The following EML5 variants were observed in gnomAD, a reference collection of about 807,000 sequenced individuals.
EML5 encodes echinoderm microtubule-associated protein-like 5.
A neutral mutation model predicts 250.0 loss-of-function variants in EML5; 120 were observed. That is an observed-to-expected ratio of 0.48 (90% CI 0.41 to 0.56). The LOEUF is 0.56. EML5 is among the 20% of genes least tolerant of loss of function. EML5 has a pLI of 0.00. For missense variants in EML5, 2,006 were observed against 2,437.6 expected (o/e 0.82, Z 3.73); for synonymous variants, 771 against 806.5 (o/e 0.96, Z 0.75).
At position 88,616,706 on chromosome 14, in the gene EML5, T is replaced by C. The variant is rs1286293245; in HGVS notation, c.5796+20A>G. The stretch of plus-strand genomic sequence containing the variant: ...AAAATTAGGAGTAAACTGATAATAG[T>C]AAACAAAACACAAACTTACAAATTT... On this transcript the variant is annotated intron_variant, in intron 42 of 43. Transcript: ENST00000554922. The C allele has an allele frequency of 6.2e-7, 1 of 1,604,340 alleles. No homozygotes were observed.
In EML5 at chr14:88,665,260, A is replaced by G. The variant is rs540782622; in HGVS notation, c.3277+77T>C. 2.8e-6 allele frequency: 4 copies of G among 1,430,406 alleles called. No individual in the cohort carries two copies. The South Asian group carries it at 5.8e-5, about 21-fold the overall frequency. The allele number at this position is 1,430,406 out of a possible 1,614,324, so 88.6% of individuals were successfully genotyped here. A position where few individuals can be genotyped will look rare whatever the true frequency, so the allele number is the denominator to read the frequency against. ...AAGTTCTGAGATAACATAACAGTTA[A>G]TAAAAATTATACATTGATACATTTA... On this transcript the variant is annotated intron_variant, in intron 22 of 43. Coordinates refer to ENST00000554922, the MANE Select transcript of EML5 (RefSeq NM_183387.3).
intron 4 of EML5, among the ~76,000 whole-genome samples, chr14:88,741,796 G>GA (rs1357684241): frequency 6.6e-6 from 1 of 151,984 alleles, no homozygotes; most frequent in Admixed American, 6.6e-5. Flanking sequence ...TAGGCCCAAA[G>GA]AAAAAATTCA....
In EML5 at chr14:88,705,601, AAAATG is replaced by A. The variant is rs1262084970; in HGVS notation, c.1826-18_1826-14del. ...TCAGCCAGACTTTCTGTAATTTTTA[AAAATG>A]AAATGTTACTTGTTTAAAGAAGATT... On this transcript the variant is annotated splice_polypyrimidine_tract_variant and intron_variant, in intron 11 of 43. Transcript: ENST00000554922. The A allele has an allele frequency of 6.5e-7, 1 of 1,539,066 alleles. No homozygotes were observed. Among genetic ancestry groups the A allele is most frequent in the Non-Finnish European group, 8.8e-7 (1 of 1,130,932 alleles).
At chr14:88,701,166 C>T (rs761892941) in intron 14 of EML5, among the ~76,000 whole-genome samples, 27 of 152,058 alleles carry the variant, frequency 1.8e-4, no homozygotes, top group South Asian at 2.1e-4. Flanking sequence ...GGTGATTTTG[C>T]CTTCCAAGGG....
Position 88,738,869 on chromosome 14 carries a change from T to C in EML5, c.847+10A>G, listed in dbSNP as rs1332148244. On this transcript the variant is annotated intron_variant, in intron 6 of 43. Transcript: ENST00000554922. ...TTTGCCTAGTAATAAGACATTTGTTTTGTTATTACCTTTGTATCCCTGGTC... is the reference window on the plus strand; with the variant it reads ...TTTGCCTAGTAATAAGACATTTGTTCTGTTATTACCTTTGTATCCCTGGTC... The C allele has an allele frequency of 5.1e-6, 8 of 1,554,114 alleles. No individual in the cohort carries two copies. The highest frequency in any genetic ancestry group is 5.2e-6 in the Non-Finnish European group (6 of 1,149,262).
At chr14:88,767,445 G>A (rs1027965654) in intron 1 of EML5, among the ~76,000 whole-genome samples, 2 of 152,090 alleles carry the variant, frequency 1.3e-5, no homozygotes, top group Non-Finnish European at 2.9e-5. Context: ...CATTATACTG[G>A]AGCTAAGAGT....
intron 7 of EML5, among the ~76,000 whole-genome samples, chr14:88,729,474 T>C (rs12587598): frequency 0.29 from 44,354 of 152,038 alleles, 6,772 homozygotes; most frequent in African/African-American, 0.38. Context: ...TAATAAAATT[T>C]TGAAACACAA....
At chr14:88,657,545 G>A in intron 26 of EML5, 43 bp from the exon 27 acceptor site, 1 of 1,492,656 alleles carries the variant, frequency 6.7e-7, no homozygotes, top group South Asian at 1.4e-5. Flanking sequence ...CAATAACTGA[G>A]ATCAATTATG....
Position 88,792,560 on chromosome 14 carries a change from G to C in EML5, c.-57C>G, listed in dbSNP as rs774926477. ...GCCCGCGGCGGCGACGGGAGGCGGC[G>C]GCGGCCCGGCAACGAAAGCCCTCCC... On this transcript the variant is annotated 5_prime_UTR_variant, in exon 1 of 44. Coordinates refer to ENST00000554922, the MANE Select transcript of EML5 (RefSeq NM_183387.3). This position sits in a 1 kb window ranked among gnomAD's most constrained non-coding sequence, Gnocchi z 6.9. The C allele has an allele frequency of 4.1e-6, 5 of 1,216,002 alleles. No homozygotes were observed. The highest frequency in any genetic ancestry group is 5.1e-6 in the Non-Finnish European group (5 of 973,162). The allele number at this position is 1,216,002 out of a possible 1,614,324, so 75.3% of individuals were successfully genotyped here. A position where few individuals can be genotyped will look rare whatever the true frequency, so the allele number is the denominator to read the frequency against.
chr14:88,643,578 A>C (rs1196158474), intron 30 of EML5, among the ~76,000 whole-genome samples: 1 of 152,230 alleles, frequency 6.6e-6, no homozygotes, highest in East Asian at 1.9e-4. Context: ...CCCCAGGGGG[A>C]ATCTATCCCC....
In EML5 at chr14:88,685,782, A is replaced by G. The variant is rs768070128; in HGVS notation, c.2855-640T>C. On this transcript the variant is annotated intron_variant, in intron 19 of 43. Coordinates refer to ENST00000554922, the MANE Select transcript of EML5 (RefSeq NM_183387.3). The stretch of plus-strand genomic sequence containing the variant: ...GCTTTAAATAACTTTTAGATTGCTT[A>G]TATCTAGTAGAATGTAAATGCTATG... 3.4e-4 allele frequency among the ~76,000 whole-genome samples: 52 copies of G among 152,262 alleles called. 1 individual carries two copies. Among genetic ancestry groups the G allele is most frequent in the Admixed American group, 9.2e-4 (14 of 15,300 alleles).
At position 88,704,897 on chromosome 14, in the gene EML5, C is replaced by A; in HGVS notation, c.2014G>T (p.Ala672Ser). ...TGTAATCGAATACTATTTCCTGGAG[C>A]CCGCTCTCTTCTTTTAGAAGTAGCA... ...KSATSKRRER[A>S]PGNSIRLHFV... The change falls in exon 13 of 44, where the codon GCT becomes TCT. Residue 672 changes from alanine to serine, a missense_variant. By Grantham distance (99) the Ala-to-Ser change is moderately conservative (BLOSUM62 1). This residue lies in a region of EML5 where 1,375 missense variants were observed against 1,590.3 expected (regional missense o/e 0.86). Coordinates refer to ENST00000554922, the MANE Select transcript of EML5 (RefSeq NM_183387.3). 6.2e-7 allele frequency: 1 copy of A among 1,613,130 alleles called. No individual in the cohort carries two copies. Among genetic ancestry groups the A allele is most frequent in the East Asian group, 2.2e-5 (1 of 44,790 alleles).
chr14:88,681,763 G>A (rs1305530254), intron 21 of EML5, 127 bp downstream of exon 21: 2 of 1,087,930 alleles, frequency 1.8e-6, no homozygotes, highest in African/African-American at 3.2e-5. Flanking sequence ...TGAGCAAGTA[G>A]ACATTGAATA....
intron 2 of EML5, among the ~76,000 whole-genome samples, chr14:88,754,120 T>G (rs998939422): frequency 6.6e-6 from 1 of 152,156 alleles, no homozygotes; most frequent in African/African-American, 2.4e-5. Flanking sequence ...AGCGTGACCC[T>G]GTCTCTAAAA....
Position 88,695,545 on chromosome 14 carries a change from TTAAAATTTGA to T in EML5, c.2345-101_2345-92del, listed in dbSNP as rs2093058524. 4 of 1,196,044 alleles carry T rather than the reference TTAAAATTTGA, an allele frequency of 3.3e-6. No homozygotes were observed. In the African/African-American group the frequency reaches 4.7e-5, roughly 14 times the overall value. The allele number at this position is 1,196,044 out of a possible 1,614,324, so 74.1% of individuals were successfully genotyped here. On this transcript the variant is annotated intron_variant, in intron 15 of 43. Transcript: ENST00000554922. ...TATATTCTAAACCCACATCCTATAT[TTAAAATTTGA>T]TAAAATAATGTTAAATGTTAGGCAT...
chr14:88,638,727 T>G, intron 32 of EML5, 82 bp downstream of exon 32: 1 of 1,157,614 alleles, frequency 8.6e-7, no homozygotes, highest in South Asian at 1.4e-5. Flanking sequence ...TCAATAAAAT[T>G]TTGATTTTTT....
rs916025214 is a variant in EML5, at chr14:88,726,341, C to T, written c.1187+200G>A. ...AACCAAGGCTTCTGAATTTATTTTT[C>T]GGACAAAGCTATTTTTATAAATATA... is the stretch of plus-strand genomic sequence containing the variant. On this transcript the variant is annotated intron_variant, in intron 8 of 43. Transcript: ENST00000554922. Among the ~76,000 whole-genome samples the T allele has an allele frequency of 5.3e-5, 8 of 152,060 alleles. No homozygotes were observed. The South Asian group carries it at 6.2e-4, about 12-fold the overall frequency.
At chr14:88,627,387 T>C in intron 34 of EML5, 1 of 481,544 alleles carries the variant, frequency 2.1e-6, no homozygotes, top group Non-Finnish European at 3.7e-6. Context: ...AATACATAGT[T>C]TCTTGCTGGA....
chr14:88,626,821 C>G lies in EML5; in HGVS notation c.4740+17G>C. ...AAAGTAGTCAAAGTCACACTATGTG[C>G]ATTTTAAGAGACATACTGCACCAAA... On this transcript the variant is annotated intron_variant, in intron 35 of 43. Transcript: ENST00000554922. The G allele has an allele frequency of 6.2e-7, 1 of 1,612,806 alleles. No homozygotes were observed. The highest frequency in any genetic ancestry group is 8.5e-7 in the Non-Finnish European group (1 of 1,179,338).
Sources: gnomAD v4.1 joint callset for allele counts (sites outside exome capture counted in the v4.1 genomes callset) on GRCh38, gnomAD v4.1.1 for gene constraint, gnomAD v4.1.1 regional missense constraint, Gnocchi (gnomAD v3.1) non-coding constraint, MANE v1.5 for transcripts, NCBI Gene and HGNC (gene_info 2026-07-23, HGNC 2026-07-21) for gene names.